The following TMEM108 variants were observed in gnomAD, a reference collection of about 807,000 sequenced individuals.
The protein encoded by TMEM108 is transmembrane protein 108.
In TMEM108, 12 loss-of-function variants were observed where a neutral mutation model predicts 35.1. That is an observed-to-expected ratio of 0.34 (90% CI 0.22 to 0.55). The LOEUF (loss-of-function observed/expected upper bound fraction) is 0.55. TMEM108 is among the 20% of genes least tolerant of loss of function. The probability of loss-of-function intolerance (pLI) is 0.89; values close to 1 mark genes in which losing one functional copy is unlikely to be tolerated. For synonymous variants in TMEM108, 287 were observed against 308.6 expected, an observed-to-expected ratio of 0.93 and a Z score of 0.73; for missense variants, 680 against 753.3, an observed-to-expected ratio of 0.90 and a Z score of 1.14.
chr3:133,066,291 A>G (rs1359243634), intron 2 of TMEM108, among the ~76,000 whole-genome samples: 11 of 152,062 alleles, frequency 7.2e-5, no homozygotes, highest in Non-Finnish European at 1.5e-4. Context: ...TGATCTCTTC[A>G]GTCTGTTTTG....
intron 3 of TMEM108, among the ~76,000 whole-genome samples, chr3:133,284,857 T>G (rs1946962904): frequency 6.6e-6 from 1 of 152,262 alleles, no homozygotes. Context: ...CATCCTGGAT[T>G]AATTCTTCAG....
intron 2 of TMEM108, among the ~76,000 whole-genome samples, chr3:133,156,282 A>C (rs1014691543): frequency 6.6e-6 from 1 of 152,172 alleles, no homozygotes; most frequent in Non-Finnish European, 1.5e-5. Context: ...TAGCTGAGAT[A>C]CTGTGGCGAA....
intron 2 of TMEM108, among the ~76,000 whole-genome samples, chr3:133,170,169 A>T (rs569811871): frequency 9.1e-4 from 139 of 152,202 alleles, no homozygotes; most frequent in African/African-American, 2.4e-3. Flanking sequence ...CTGGGAGATT[A>T]AAAAAAAGAA....
At chr3:133,385,851 C>A (rs373974730) in intron 4 of TMEM108, among the ~76,000 whole-genome samples, 4 of 152,178 alleles carry the variant, frequency 2.6e-5, no homozygotes, top group Non-Finnish European at 5.9e-5. Flanking sequence ...GACTCCTGTC[C>A]ACTGTGTTAG....
intron 3 of TMEM108, among the ~76,000 whole-genome samples, chr3:133,287,594 A>G (rs565284379): frequency 5.9e-5 from 9 of 152,340 alleles, no homozygotes; most frequent in South Asian, 2.1e-4. Flanking sequence ...AGAAATTACA[A>G]TATAATGATG....
intron 2 of TMEM108, among the ~76,000 whole-genome samples, chr3:133,139,195 C>T (rs1452926251): frequency 6.6e-6 from 1 of 152,142 alleles, no homozygotes; most frequent in Non-Finnish European, 1.5e-5. Context: ...CAAGTCTTTG[C>T]TGTTGTGAAT....
intron 2 of TMEM108, among the ~76,000 whole-genome samples, chr3:133,200,774 T>G (rs191518193): frequency 3.9e-5 from 6 of 152,340 alleles, no homozygotes; most frequent in African/African-American, 1.2e-4. Flanking sequence ...GTCCCAGCCT[T>G]TATTAACTAT....
chr3:133,146,043 C>T (rs892612381), intron 2 of TMEM108, among the ~76,000 whole-genome samples: 2 of 152,082 alleles, frequency 1.3e-5, no homozygotes, highest in African/African-American at 2.4e-5. Flanking sequence ...TGTCTTGTGC[C>T]GGTTTTCAAA....
At chr3:133,047,281 CTATATCCTG>C (rs1185696551) in intron 2 of TMEM108, among the ~76,000 whole-genome samples, 3 of 152,170 alleles carry the variant, frequency 2.0e-5, no homozygotes, top group South Asian at 4.1e-4. Context: ...TCAATTTCCT[CTATATCCTG>C]TATATCCTGT....
chr3:133,360,917 T>C (rs572894737), intron 3 of TMEM108, among the ~76,000 whole-genome samples: 2 of 152,318 alleles, frequency 1.3e-5, no homozygotes, highest in South Asian at 4.1e-4. Flanking sequence ...AATACTATTA[T>C]GAATGGTAAA....
chr3:133,332,530 G>T (rs1253702872), intron 3 of TMEM108, among the ~76,000 whole-genome samples: 1 of 152,218 alleles, frequency 6.6e-6, no homozygotes, highest in African/African-American at 2.4e-5. Flanking sequence ...CCATCTCAGT[G>T]TGGACCCTGG....
chr3:133,374,644 A>C (rs1239517679), intron 3 of TMEM108, among the ~76,000 whole-genome samples: 2 of 151,906 alleles, frequency 1.3e-5, no homozygotes, highest in Non-Finnish European at 2.9e-5. Context: ...ATGAGATGTT[A>C]GGATTGGGGA....
intron 3 of TMEM108, among the ~76,000 whole-genome samples, chr3:133,251,137 G>A (rs1205690229): frequency 6.6e-6 from 1 of 152,160 alleles, no homozygotes; most frequent in Non-Finnish European, 1.5e-5. Flanking sequence ...CATGGAATGA[G>A]ATTGATAGAC....
At chr3:133,185,513 C>A (rs1442963163) in intron 2 of TMEM108, among the ~76,000 whole-genome samples, 1 of 150,316 alleles carries the variant, frequency 6.7e-6, no homozygotes, top group African/African-American at 2.5e-5. Flanking sequence ...GTAGCCTAAT[C>A]TCAACTCTCT....
At chr3:133,271,057 A>G (rs112849699) in intron 3 of TMEM108, among the ~76,000 whole-genome samples, 1,585 of 152,200 alleles carry the variant, frequency 0.01, 25 homozygotes, top group African/African-American at 0.035. Flanking sequence ...AGTTACCTCA[A>G]ATGAACACGC....
chr3:133,339,417 A>G (rs1454519109), intron 3 of TMEM108, among the ~76,000 whole-genome samples: 2 of 151,968 alleles, frequency 1.3e-5, no homozygotes, highest in African/African-American at 4.8e-5. Flanking sequence ...ATAATTTTAA[A>G]TATATATACA....
At chr3:133,136,171 T>C (rs1246116096) in intron 2 of TMEM108, among the ~76,000 whole-genome samples, 1 of 152,232 alleles carries the variant, frequency 6.6e-6, no homozygotes, top group South Asian at 2.1e-4. Context: ...TGAAATGTAG[T>C]CCTGCCTTCA....
At position 133,247,942 on chromosome 3, in the gene TMEM108, A is replaced by G. The variant is rs1012526223; in HGVS notation, c.40+18591A>G. ...AAAAACTCTAGGGATGCAGAGAGAT[A>G]TAAAGCATAATTTCTTCTCTCCAAA... On this transcript the variant is annotated intron_variant, in intron 3 of 5. Transcript: ENST00000321871. The G allele has an allele frequency of 2.0e-5, 3 of 152,220 alleles. No individual in the cohort carries two copies. In the South Asian group the frequency reaches 6.2e-4, roughly 31 times the overall value. The allele number at this position is 152,220 out of a possible 1,614,324, so 9.4% of individuals were successfully genotyped here. A position where few individuals can be genotyped will look rare whatever the true frequency, so the allele number is the denominator to read the frequency against.
In TMEM108 at chr3:133,129,206, G is replaced by A. The variant is rs138134937; in HGVS notation, c.-47+83186G>A. 3.2e-3 allele frequency among the ~76,000 whole-genome samples: 483 copies of A among 152,154 alleles called. 3 individuals are homozygous for A. Among genetic ancestry groups the A allele is most frequent in the African/African-American group, 0.011 (458 of 41,496 alleles). ...AAAAATACAAAAATTAATTGGGTGTGCTGTTGTGCACCTGTAATCCCGGCT... is the reference window on the plus strand; with the variant it reads ...AAAAATACAAAAATTAATTGGGTGTACTGTTGTGCACCTGTAATCCCGGCT... On this transcript the variant is annotated intron_variant, in intron 2 of 5. Transcript: ENST00000321871.
Sources: allele counts gnomAD v4.1 joint callset (sites outside exome capture counted in the v4.1 genomes callset), GRCh38; gene constraint gnomAD v4.1.1; transcripts MANE v1.5; gene names NCBI Gene and HGNC (gene_info 2026-07-23, HGNC 2026-07-21).